SEPTIN9: variants seen among roughly 807,000 people sequenced by gnomAD.
SEPTIN9 encodes septin-9.
A neutral mutation model predicts 56.6 loss-of-function variants in SEPTIN9; 13 were observed. The observed-to-expected ratio is 0.23, with a 90% confidence interval of 0.15 to 0.37. The LOEUF is 0.37. SEPTIN9 is among the 10% of genes least tolerant of loss of function. The probability of loss-of-function intolerance (pLI) is 1.00; values close to 1 mark genes in which losing one functional copy is unlikely to be tolerated. For missense variants in SEPTIN9, 650 were observed against 823.1 expected (o/e 0.79, Z 2.57); for synonymous variants, 332 against 334.1 (o/e 0.99, Z 0.07).
chr17:77,472,603 C>A (rs1157596992), intron 3 of SEPTIN9: 1 of 152,222 alleles, frequency 6.6e-6, no homozygotes, highest in Non-Finnish European at 1.5e-5. Flanking sequence ...ATAGTGGAAA[C>A]CGGAAAGAGC....
intron 2 of SEPTIN9, among the ~76,000 whole-genome samples, chr17:77,387,789 C>G (rs1022966086): frequency 2.0e-5 from 3 of 152,134 alleles, no homozygotes; most frequent in Non-Finnish European, 4.4e-5. Flanking sequence ...GTGAACGGGG[C>G]TGGGAGCAGG....
intron 1 of SEPTIN9, among the ~76,000 whole-genome samples, chr17:77,284,856 C>G (rs2031205906): frequency 6.6e-6 from 1 of 152,288 alleles, no homozygotes; most frequent in South Asian, 2.1e-4. Context: ...TCTCGAACTC[C>G]TGACCTCGTG....
chr17:77,331,820 TC>T (rs2033375225), intron 2 of SEPTIN9, among the ~76,000 whole-genome samples: 1 of 152,034 alleles, frequency 6.6e-6, no homozygotes, highest in South Asian at 2.1e-4. Context: ...GGGGTTCCTG[TC>T]CTAACTGGGC....
At chr17:77,390,010 C>T (rs1188261663) in intron 2 of SEPTIN9, among the ~76,000 whole-genome samples, 1 of 152,186 alleles carries the variant, frequency 6.6e-6, no homozygotes, top group Non-Finnish European at 1.5e-5. Flanking sequence ...ACCAGGGGCA[C>T]GCGGTAGATG....
chr17:77,473,848 A>G (rs1240965658), intron 3 of SEPTIN9, among the ~76,000 whole-genome samples: 2 of 152,184 alleles, frequency 1.3e-5, no homozygotes, highest in East Asian at 1.9e-4. Flanking sequence ...ATACTTGTCA[A>G]ATGAATCAAT....
chr17:77,398,617 G>T (rs929423629), intron 2 of SEPTIN9, among the ~76,000 whole-genome samples: 2 of 152,338 alleles, frequency 1.3e-5, no homozygotes, highest in African/African-American at 4.8e-5. Context: ...CCTTGGGGAA[G>T]ATGGACACCC....
At chr17:77,335,665 G>A (rs2033523533) in intron 2 of SEPTIN9, among the ~76,000 whole-genome samples, 1 of 135,370 alleles carries the variant, frequency 7.4e-6, no homozygotes, top group East Asian at 2.2e-4. Flanking sequence ...TATACATGTA[G>A]GCCCTATGTT....
In SEPTIN9 at chr17:77,437,448, A is replaced by G. The variant is rs1194686276; in HGVS notation, c.721+34745A>G. Among the ~76,000 whole-genome samples, 1 of 151,448 alleles carries G rather than the reference A, an allele frequency of 6.6e-6. No homozygotes were observed. The highest frequency in any genetic ancestry group is 1.5e-5 in the Non-Finnish European group (1 of 67,936). On this transcript the variant is annotated intron_variant, in intron 3 of 11. Coordinates refer to ENST00000427177, the MANE Select transcript of SEPTIN9 (RefSeq NM_001113491.2). This position sits in a 1 kb window ranked among gnomAD's most constrained non-coding sequence, Gnocchi z 5.3. The stretch of plus-strand genomic sequence containing the variant: ...GATGTGTGGCTGCCTTTATGTAACC[A>G]ACTCTCTCACGGAGAAGCCAGGGGA...
At chr17:77,339,433 G>T (rs1389553396) in intron 2 of SEPTIN9, among the ~76,000 whole-genome samples, 1 of 152,110 alleles carries the variant, frequency 6.6e-6, no homozygotes, top group African/African-American at 2.4e-5. Context: ...CTCCGTCAGA[G>T]CTCTTGGGTC....
Position 77,445,267 on chromosome 17 carries a change from G to A in SEPTIN9, c.722-36877G>A, listed in dbSNP as rs557783764. On this transcript the variant is annotated intron_variant, in intron 3 of 11. Coordinates refer to ENST00000427177, the MANE Select transcript of SEPTIN9 (RefSeq NM_001113491.2). This position sits in a 1 kb window ranked among gnomAD's most constrained non-coding sequence, Gnocchi z 4.7. ...TACCAGCCCTCAGAACCACATTCCT[G>A]CTCCCCAGCCCTTTCCTCCGCACCC... is the stretch of plus-strand genomic sequence containing the variant. 2.1e-6 allele frequency: 1 copy of A among 469,390 alleles called. No individual in the cohort carries two copies. Among genetic ancestry groups the A allele is most frequent in the Non-Finnish European group, 4.4e-6 (1 of 227,040 alleles). The allele number at this position is 469,390 out of a possible 1,614,324, so 29.1% of individuals were successfully genotyped here.
chr17:77,431,406 G>A (rs2037127195), intron 3 of SEPTIN9, among the ~76,000 whole-genome samples: 1 of 152,178 alleles, frequency 6.6e-6, no homozygotes, highest in Admixed American at 6.5e-5. Flanking sequence ...AAAATGTAAA[G>A]GAAATGATCA....
intron 2 of SEPTIN9, among the ~76,000 whole-genome samples, chr17:77,396,600 C>T (rs1216011162): frequency 2.0e-5 from 3 of 152,052 alleles, no homozygotes; most frequent in Non-Finnish European, 2.9e-5. Context: ...AAGAGAGGGG[C>T]GACCGTGTGT....
chr17:77,432,821 G>A (rs568207857), intron 3 of SEPTIN9, among the ~76,000 whole-genome samples: 1 of 152,250 alleles, frequency 6.6e-6, no homozygotes, highest in Non-Finnish European at 1.5e-5. Flanking sequence ...GGGGACCACC[G>A]CGGCGGCTGA....
At position 77,499,463 on chromosome 17, in the gene SEPTIN9, C is replaced by G; in HGVS notation, c.*805C>G. On this transcript the variant is annotated 3_prime_UTR_variant, in exon 12 of 12. Coordinates refer to ENST00000427177, the MANE Select transcript of SEPTIN9 (RefSeq NM_001113491.2). ...GATAAAAAGGAAGGAGAGATGACCC[C>G]TACCCCCTCATCCCCCAGTTTTGAA... The G allele has an allele frequency of 1.9e-6, 1 of 523,070 alleles. No individual in the cohort carries two copies. The allele number at this position is 523,070 out of a possible 1,614,324, so 32.4% of individuals were successfully genotyped here.
In SEPTIN9 at chr17:77,371,598, C is replaced by T. The variant is rs372228234; in HGVS notation, c.77-30461C>T. ...TACTGGACCCCCAAATCCCCAAATA[C>T]GGCGTGGACAGGTGGCCCAGTAGGG... On this transcript the variant is annotated intron_variant, in intron 2 of 11. Coordinates refer to ENST00000427177, the MANE Select transcript of SEPTIN9 (RefSeq NM_001113491.2). The surrounding 1 kb of genome is among the most constrained non-coding windows in gnomAD (Gnocchi z 4.1). Among the ~76,000 whole-genome samples the T allele has an allele frequency of 9.8e-5, 15 of 152,320 alleles. No homozygotes were observed. In the South Asian group the frequency reaches 2.3e-3, roughly 23 times the overall value.
intron 2 of SEPTIN9, among the ~76,000 whole-genome samples, chr17:77,370,444 C>T (rs73371486): frequency 6.8e-4 from 103 of 152,298 alleles, no homozygotes; most frequent in African/African-American, 2.2e-3. Context: ...ATCTTGAGAT[C>T]CTTGCCTAAA....
In SEPTIN9 at chr17:77,429,105, TC is replaced by T; in HGVS notation, c.721+26404del. 4.2e-6 allele frequency: 2 copies of T among 471,632 alleles called. No homozygotes were observed. Among genetic ancestry groups the T allele is most frequent in the Middle Eastern group, 6.5e-4 (2 of 3,082 alleles). 29.2% of individuals were successfully genotyped at this position (471,632 alleles called of 1,614,324 possible). A position where few individuals can be genotyped will look rare whatever the true frequency, so the allele number is the denominator to read the frequency against. ...CTATTTGTGCCCCAGCTCCGTGTCC[TC>T]CGGTGTGTGTGAGGCCAAGCTCCTG... On this transcript the variant is annotated intron_variant, in intron 3 of 11. Coordinates refer to ENST00000427177, the MANE Select transcript of SEPTIN9 (RefSeq NM_001113491.2). This position sits in a 1 kb window ranked among gnomAD's most constrained non-coding sequence, Gnocchi z 5.2.
chr17:77,493,811 C>T (rs2040142871), intron 10 of SEPTIN9, among the ~76,000 whole-genome samples: 1 of 137,916 alleles, frequency 7.3e-6, no homozygotes, highest in Non-Finnish European at 1.5e-5. Context: ...CTCGTTCTGT[C>T]ACCCAGGCTG....
chr17:77,472,204 G>T (rs112033338), intron 3 of SEPTIN9, among the ~76,000 whole-genome samples: 2 of 152,296 alleles, frequency 1.3e-5, no homozygotes, highest in African/African-American at 4.8e-5. Context: ...AGAAAGCGGC[G>T]GGTGGTGTGA....
Sources: gnomAD v4.1 joint callset for allele counts (sites outside exome capture counted in the v4.1 genomes callset) on GRCh38, gnomAD v4.1.1 for gene constraint, Gnocchi (gnomAD v3.1) non-coding constraint, MANE v1.5 for transcripts, NCBI Gene and HGNC (gene_info 2026-07-23, HGNC 2026-07-21) for gene names.